The following CLSTN2 variants were observed in gnomAD, a reference collection of about 807,000 sequenced individuals.
CLSTN2 encodes the protein calsyntenin 2.
In CLSTN2, 48 loss-of-function variants were observed where a neutral mutation model predicts 101.2. The observed-to-expected ratio is 0.47, with a 90% CI of 0.38 to 0.60. The LOEUF (loss-of-function observed/expected upper bound fraction) is 0.60. Among genes scored for constraint, CLSTN2 ranks in the 20% least tolerant of loss-of-function variants. The pLI, the probability that CLSTN2 is intolerant of heterozygous loss-of-function variation, is 0.00. For synonymous variants in CLSTN2, 481 were observed against 463.6 expected (o/e 1.04, Z -0.48); for missense variants, 1,160 against 1,238.2 (o/e 0.94, Z 0.95).
chr3:140,424,805 A>T (rs2088546526), intron 5 of CLSTN2, among the ~76,000 whole-genome samples: 1 of 152,068 alleles, frequency 6.6e-6, no homozygotes, highest in African/African-American at 2.4e-5. Flanking sequence ...GAACAATATG[A>T]GGAGAGCAGT....
At chr3:140,337,647 G>A (rs780340558) in intron 2 of CLSTN2, among the ~76,000 whole-genome samples, 1 of 152,164 alleles carries the variant, frequency 6.6e-6, no homozygotes, top group East Asian at 1.9e-4. Flanking sequence ...GGTATTGGTA[G>A]GTGTCACAGC....
At position 140,048,707 on chromosome 3, in the gene CLSTN2, A is replaced by T. The variant is rs746253976; in HGVS notation, c.109+113224A>T. Among the ~76,000 whole-genome samples the T allele has an allele frequency of 6.0e-4, 91 of 151,278 alleles. 1 individual carries two copies. The highest frequency in any genetic ancestry group is 3.4e-3 in the Middle Eastern group (1 of 294). ...TAATGTCGGCTTCCTTACTGGGGGG[A>T]GTGGGGGGCAGTGGGCCTGTGTTAA... On this transcript the variant is annotated intron_variant, in intron 1 of 16. Coordinates refer to ENST00000458420, the MANE Select transcript of CLSTN2 (RefSeq NM_022131.3).
At chr3:139,970,644 C>A (rs542253024) in intron 1 of CLSTN2, among the ~76,000 whole-genome samples, 1 of 152,164 alleles carries the variant, frequency 6.6e-6, no homozygotes, top group Non-Finnish European at 1.5e-5. Context: ...CTGAACACAG[C>A]GGCAGTGGAC....
rs1308096726 is a variant in CLSTN2 at position 140,197,352 on chromosome 3, T to TG, written c.232+21284dup. Among the ~76,000 whole-genome samples the TG allele has an allele frequency of 8.5e-5, 13 of 152,294 alleles. No individual in the cohort carries two copies. The East Asian group carries it at 2.5e-3, about 29-fold the overall frequency. On this transcript the variant is annotated intron_variant, in intron 2 of 16. Transcript: ENST00000458420. Reference sequence around the variant, plus strand: ...GTCTATTATGTGCCTGGTGCTGTACTGGGGGACTATACATATATGTGAATC... The same window carrying TG: ...GTCTATTATGTGCCTGGTGCTGTACTGGGGGGACTATACATATATGTGAATC...
intron 9 of CLSTN2, among the ~76,000 whole-genome samples, chr3:140,535,193 ACT>A (rs1477659057): frequency 2.0e-5 from 3 of 151,986 alleles, no homozygotes; most frequent in Non-Finnish European, 4.4e-5. Context: ...CAACCAGAAA[ACT>A]CTTTCACTAA....
intron 2 of CLSTN2, among the ~76,000 whole-genome samples, chr3:140,396,762 A>G (rs963809897): frequency 7.2e-5 from 11 of 152,342 alleles, no homozygotes; most frequent in African/African-American, 2.4e-4. Flanking sequence ...ACAAAGGCCT[A>G]GCTGTGGAAT....
rs907295423 is a variant in CLSTN2, at chr3:140,017,105, G to A, written c.109+81622G>A. ...TGTCTTTCAGTTACATGCCTGTGGT[G>A]TGTCCTGGTCCCATGTAGTTGTGTG... On this transcript the variant is annotated intron_variant, in intron 1 of 16. Coordinates refer to ENST00000458420, the MANE Select transcript of CLSTN2 (RefSeq NM_022131.3). 4.6e-5 allele frequency among the ~76,000 whole-genome samples: 7 copies of A among 152,282 alleles called. No individual in the cohort carries two copies. In the East Asian group the frequency reaches 1.2e-3, roughly 25 times the overall value.
chr3:140,447,420 T>A (rs959944766), intron 5 of CLSTN2, among the ~76,000 whole-genome samples: 2 of 152,160 alleles, frequency 1.3e-5, no homozygotes, highest in African/African-American at 4.8e-5. Flanking sequence ...CTGCCTTGAG[T>A]CCGCTCTGAC....
intron 6 of CLSTN2, chr3:140,454,763 G>A (rs1933355175): frequency 6.6e-6 from 1 of 152,248 alleles, no homozygotes; most frequent in Non-Finnish European, 1.5e-5. Flanking sequence ...CCTGGTAGAT[G>A]GAAAAGATGC....
chr3:140,358,000 G>A (rs2087691499), intron 2 of CLSTN2, among the ~76,000 whole-genome samples: 2 of 152,180 alleles, frequency 1.3e-5, no homozygotes, highest in Non-Finnish European at 2.9e-5. Flanking sequence ...GAGCCAGGCT[G>A]ACACTGAGGG....
chr3:140,478,262 C>CAAACAGTGGTCCCT (rs1934030259), intron 8 of CLSTN2, among the ~76,000 whole-genome samples: 2 of 150,416 alleles, frequency 1.3e-5, no homozygotes, highest in Admixed American at 6.7e-5. Flanking sequence ...CTGTGGTTCC[C>CAAACAGTGGTCCCT]AAACAGTGGT....
chr3:140,289,453 A>T (rs1031848332), intron 2 of CLSTN2, among the ~76,000 whole-genome samples: 2 of 152,046 alleles, frequency 1.3e-5, no homozygotes, highest in Non-Finnish European at 2.9e-5. Context: ...TACCTAGTTA[A>T]TCTCCCTTTG....
chr3:140,095,921 G>A (rs2008862295), intron 1 of CLSTN2, among the ~76,000 whole-genome samples: 1 of 152,170 alleles, frequency 6.6e-6, no homozygotes, highest in African/African-American at 2.4e-5. Flanking sequence ...GTAGCTGTTT[G>A]TTTGTCTGTG....
At chr3:140,113,453 C>T (rs1179686409) in intron 1 of CLSTN2, among the ~76,000 whole-genome samples, 1 of 152,222 alleles carries the variant, frequency 6.6e-6, no homozygotes, top group African/African-American at 2.4e-5. Context: ...GGGGTTCTCA[C>T]AGAGCACTTG....
intron 5 of CLSTN2, among the ~76,000 whole-genome samples, chr3:140,439,726 C>G (rs574139186): frequency 1.4e-5 from 2 of 146,008 alleles, no homozygotes; most frequent in South Asian, 4.6e-4. Context: ...CACATGCAAA[C>G]ACACACACGT....
At chr3:140,555,328 A>T (rs371080619) in intron 10 of CLSTN2, among the ~76,000 whole-genome samples, 2 of 152,256 alleles carry the variant, frequency 1.3e-5, no homozygotes, top group Non-Finnish European at 2.9e-5. Context: ...ACCATAAGTC[A>T]TACGATCAAG....
chr3:140,448,145 C>T (rs1003873036), intron 5 of CLSTN2, among the ~76,000 whole-genome samples: 3 of 151,926 alleles, frequency 2.0e-5, no homozygotes, highest in African/African-American at 4.8e-5. Flanking sequence ...TAACTGCAGG[C>T]GTGGACGGGT....
intron 1 of CLSTN2, among the ~76,000 whole-genome samples, chr3:140,050,450 G>A (rs1448208454): frequency 6.6e-6 from 1 of 152,190 alleles, no homozygotes; most frequent in Non-Finnish European, 1.5e-5. Context: ...TTCAGGGCTA[G>A]CATCATGGAA....
intron 2 of CLSTN2, among the ~76,000 whole-genome samples, chr3:140,211,350 C>A (rs2010852132): frequency 6.9e-6 from 1 of 143,900 alleles, no homozygotes; most frequent in South Asian, 2.3e-4. Context: ...TCTCCATGAC[C>A]AGTAGACATA....
Sources: gnomAD v4.1 joint callset for allele counts (sites outside exome capture counted in the v4.1 genomes callset) on GRCh38, gnomAD v4.1.1 for gene constraint, MANE v1.5 for transcripts, NCBI Gene and HGNC (gene_info 2026-07-23, HGNC 2026-07-21) for gene names.